CNTNAP3B: variants seen among roughly 807,000 people sequenced by gnomAD.
The protein encoded by CNTNAP3B is contactin-associated protein-like 3B.
CNTNAP3B carries 25 observed loss-of-function variants against 108.9 expected under a neutral mutation model. The observed-to-expected ratio is 0.23, with a 90% confidence interval of 0.17 to 0.32. The LOEUF is 0.32. Ranked by LOEUF, CNTNAP3B falls within the 10% of genes least tolerant of loss-of-function variation. CNTNAP3B has a pLI of 1.00. For synonymous variants in CNTNAP3B, 103 were observed against 473.4 expected (o/e 0.22, Z 10.16); for missense variants, 252 against 1,210.4 (o/e 0.21, Z 11.75).
chr9:41,934,124 C>CATATATATAT (rs1226684775), intron 14 of CNTNAP3B, among the ~76,000 whole-genome samples: 3 of 105,670 alleles, frequency 2.8e-5, no homozygotes, highest in African/African-American at 4.1e-5. Flanking sequence ...TATATATATA[C>CATATATATAT]ACACACATAT....
intron 14 of CNTNAP3B, among the ~76,000 whole-genome samples, chr9:41,936,182 C>T (rs2118043631): frequency 6.6e-6 from 1 of 152,424 alleles, no homozygotes; most frequent in East Asian, 1.9e-4. Context: ...GAGGCTGAGG[C>T]AGGAGAATCG....
At chr9:41,972,324 TG>T (rs1299820819) in intron 9 of CNTNAP3B, among the ~76,000 whole-genome samples, 1 of 87,150 alleles carries the variant, frequency 1.1e-5, no homozygotes, top group Non-Finnish European at 2.2e-5. Context: ...GTATAGAATT[TG>T]TACTTATGTG....
intron 1 of CNTNAP3B, among the ~76,000 whole-genome samples, chr9:42,112,829 GA>G (rs1166498398): frequency 7.7e-6 from 1 of 129,190 alleles, no homozygotes; most frequent in Non-Finnish European, 1.6e-5. Context: ...AACTACAAAA[GA>G]CACAACACAA....
At chr9:41,928,455 C>G (rs542964462) in intron 15 of CNTNAP3B, among the ~76,000 whole-genome samples, 194 of 151,766 alleles carry the variant, frequency 1.3e-3, no homozygotes, top group African/African-American at 4.6e-3. Flanking sequence ...GGAGTGAGTA[C>G]ACATCGATAG....
At chr9:41,939,040 C>T (rs1824248188) in intron 13 of CNTNAP3B, among the ~76,000 whole-genome samples, 1 of 152,400 alleles carries the variant, frequency 6.6e-6, no homozygotes, top group Middle Eastern at 3.4e-3. Context: ...GACGAGTGCG[C>T]CTCCTTCTCA....
At chr9:42,094,885 C>A (rs1827869393) in intron 2 of CNTNAP3B, among the ~76,000 whole-genome samples, 1 of 132,190 alleles carries the variant, frequency 7.6e-6, no homozygotes, top group Non-Finnish European at 1.6e-5. Flanking sequence ...CCATGTTTAA[C>A]TTTTATTTTT....
chr9:42,091,904 T>C (rs1827820182), intron 2 of CNTNAP3B, among the ~76,000 whole-genome samples: 1 of 104,308 alleles, frequency 9.6e-6, no homozygotes, highest in Non-Finnish European at 2.0e-5. Flanking sequence ...AACCATGTTC[T>C]CTAAAACCCC....
intron 12 of CNTNAP3B, among the ~76,000 whole-genome samples, chr9:41,954,151 T>G: frequency 6.6e-6 from 1 of 152,266 alleles, no homozygotes; most frequent in Non-Finnish European, 1.5e-5. Context: ...TGTCTGGTCC[T>G]TTAACCTCTA....
chr9:41,964,166 C>G (rs1461461843), intron 11 of CNTNAP3B, among the ~76,000 whole-genome samples: 3 of 152,414 alleles, frequency 2.0e-5, no homozygotes, highest in African/African-American at 4.8e-5. Flanking sequence ...GTTTTTCCAC[C>G]TTTCTTTGAC....
At chr9:42,058,516 T>A (rs1827122813) in intron 3 of CNTNAP3B, among the ~76,000 whole-genome samples, 1 of 144,808 alleles carries the variant, frequency 6.9e-6, no homozygotes, top group Non-Finnish European at 1.5e-5. Flanking sequence ...ATATCTTTCT[T>A]GAGAAATGTC....
At chr9:42,071,760 ATCTG>A (rs1415075856) in intron 3 of CNTNAP3B, among the ~76,000 whole-genome samples, 1 of 109,986 alleles carries the variant, frequency 9.1e-6, no homozygotes, top group African/African-American at 3.6e-5. Context: ...GACTGACATG[ATCTG>A]TCTAACAACT....
In CNTNAP3B at chr9:42,128,122, G is replaced by A. The variant is rs1311187143; in HGVS notation, c.85+888C>T. Among the ~76,000 whole-genome samples the A allele has an allele frequency of 3.6e-5, 5 of 137,854 alleles. 1 individual carries two copies. The highest frequency in any genetic ancestry group is 1.4e-4 in the African/African-American group (5 of 34,616). The allele number at this position is 137,854 out of a possible 152,430, so 90.4% of individuals were successfully genotyped here. On this transcript the variant is annotated intron_variant, in intron 1 of 23. Coordinates refer to ENST00000377561, the MANE Select transcript of CNTNAP3B (RefSeq NM_001201380.3). ...ATGGTTTCATTAATCAAGAAAGAAA[G>A]ACGACTCTCTGATAGAGATTTACTC...
intron 14 of CNTNAP3B, among the ~76,000 whole-genome samples, chr9:41,930,010 T>C (rs1823930501): frequency 1.3e-5 from 2 of 152,258 alleles, no homozygotes; most frequent in South Asian, 4.1e-4. Flanking sequence ...ATCTAAGTGA[T>C]TATTCTTTAC....
chr9:41,940,689 C>G (rs1395588584), intron 13 of CNTNAP3B, among the ~76,000 whole-genome samples: 1 of 152,230 alleles, frequency 6.6e-6, no homozygotes, highest in Admixed American at 6.5e-5. Flanking sequence ...GCGGCGGGAG[C>G]CTGTAGTCCC....
chr9:42,047,568 ACTTC>A (rs1252573413), intron 3 of CNTNAP3B, among the ~76,000 whole-genome samples: 1 of 47,922 alleles, frequency 2.1e-5, no homozygotes, highest in African/African-American at 8.7e-5. Flanking sequence ...AAACATTCAG[ACTTC>A]CTTCCTTCCC....
At chr9:41,947,944 G>T (rs1191839588) in intron 13 of CNTNAP3B, among the ~76,000 whole-genome samples, 1 of 151,336 alleles carries the variant, frequency 6.6e-6, no homozygotes, top group Non-Finnish European at 1.5e-5. Flanking sequence ...TTCTCAAAAA[G>T]TACAAACTAC....
chr9:41,953,129 G>C, intron 13 of CNTNAP3B, 54 bp downstream of exon 13: 3 of 1,459,556 alleles, frequency 2.1e-6, no homozygotes, highest in South Asian at 1.3e-5. Context: ...CTCGCAGCCC[G>C]AGGGCCGCGC....
At chr9:42,112,868 G>GT (rs61267342) in intron 1 of CNTNAP3B, among the ~76,000 whole-genome samples, 1,845 of 95,508 alleles carry the variant, frequency 0.019, 179 homozygotes, top group South Asian at 0.033. Context: ...AGTTTACAGA[G>GT]TTTTTTTTTT....
rs1825483409 is a variant in CNTNAP3B, at chr9:41,974,320, G to A, written c.1478-4075C>T. The A allele has an allele frequency of 2.9e-5, 3 of 103,688 alleles. No individual in the cohort carries two copies. In the Admixed American group the frequency reaches 3.6e-4, roughly 13 times the overall value. The allele number at this position is 103,688 out of a possible 1,614,324, so 6.4% of individuals were successfully genotyped here. ...TTTCATATTAACCTGGCTACCCATG[G>A]GTAGAGTCAGCAGGGCAACATTAAA... On this transcript the variant is annotated intron_variant, in intron 9 of 23. Transcript: ENST00000377561.
Sources: gnomAD v4.1 joint callset for allele counts (sites outside exome capture counted in the v4.1 genomes callset) on GRCh38, gnomAD v4.1.1 for gene constraint, MANE v1.5 for transcripts, NCBI Gene and HGNC (gene_info 2026-07-23, HGNC 2026-07-21) for gene names.